DLGAP2: variants seen among roughly 807,000 people sequenced by gnomAD.
DLGAP2 encodes DLG associated protein 2, also known as disks large-associated protein 2.
DLGAP2 carries 26 observed loss-of-function variants against 100.3 expected under a neutral mutation model. The observed-to-expected ratio is 0.26, with a 90% CI of 0.19 to 0.36. The LOEUF (loss-of-function observed/expected upper bound fraction) is 0.36. Among genes scored for constraint, DLGAP2 ranks in the 10% least tolerant of loss-of-function variants. DLGAP2 has a pLI of 1.00. For synonymous variants in DLGAP2, 886 were observed against 630.1 expected, an observed-to-expected ratio of 1.41 and a Z score of -6.08; for missense variants, 1,858 against 1,453.2, an observed-to-expected ratio of 1.28 and a Z score of -4.53.
chr8:1,445,606 G>A lies in DLGAP2; in HGVS notation c.107-55760G>A, dbSNP rs540024324. Among the ~76,000 whole-genome samples the A allele has an allele frequency of 2.6e-5, 4 of 152,320 alleles. No homozygotes were observed. The East Asian group carries it at 7.7e-4, about 29-fold the overall frequency. ...TTATAATCCCTTGGGTATATACCCA[G>A]TAATGGGATGGCTGGGTCAAATGGT... On this transcript the variant is annotated intron_variant, in intron 3 of 14. Transcript: ENST00000637795.
intron 2 of DLGAP2, among the ~76,000 whole-genome samples, chr8:1,142,914 G>A (rs1045800495): frequency 6.6e-6 from 1 of 152,152 alleles, no homozygotes; most frequent in Non-Finnish European, 1.5e-5. Context: ...AAGAGGGGTC[G>A]TATCCCCTTC....
At chr8:1,503,700 G>A (rs1472504629) in intron 4 of DLGAP2, among the ~76,000 whole-genome samples, 1 of 152,176 alleles carries the variant, frequency 6.6e-6, no homozygotes, top group Non-Finnish European at 1.5e-5. Flanking sequence ...ACACTGCTTA[G>A]GGACAGGGTG....
At chr8:1,193,189 G>C (rs973232053) in intron 2 of DLGAP2, among the ~76,000 whole-genome samples, 7 of 152,138 alleles carry the variant, frequency 4.6e-5, no homozygotes, top group African/African-American at 1.7e-4. Flanking sequence ...TATATAACCG[G>C]TAATGGGATT....
intron 2 of DLGAP2, among the ~76,000 whole-genome samples, chr8:1,231,163 C>A (rs935856143): frequency 6.6e-6 from 1 of 152,068 alleles, no homozygotes; most frequent in African/African-American, 2.4e-5. Flanking sequence ...CAAATAGCCC[C>A]ATTAAAATTG....
intron 1 of DLGAP2, among the ~76,000 whole-genome samples, chr8:800,016 G>C (rs1020191676): frequency 1.3e-5 from 2 of 152,146 alleles, no homozygotes; most frequent in Non-Finnish European, 2.9e-5. Context: ...CAGAAGCAGC[G>C]TACCGAGAAA....
chr8:941,538 A>G (rs1799195868), intron 2 of DLGAP2, among the ~76,000 whole-genome samples: 1 of 152,120 alleles, frequency 6.6e-6, no homozygotes, highest in Non-Finnish European at 1.5e-5. Flanking sequence ...CCATCTGGAG[A>G]TTGCCTCTCT....
At chr8:1,077,961 G>C (rs1803677025) in intron 2 of DLGAP2, among the ~76,000 whole-genome samples, 1 of 152,138 alleles carries the variant, frequency 6.6e-6, no homozygotes, top group African/African-American at 2.4e-5. Context: ...ATAACTCCAG[G>C]GGTGTCATCC....
chr8:1,339,688 G>T (rs150445106), intron 3 of DLGAP2, among the ~76,000 whole-genome samples: 68 of 152,302 alleles, frequency 4.5e-4, no homozygotes, highest in African/African-American at 1.5e-3. Flanking sequence ...TTTAATAGGG[G>T]GATCCGGAGT....
chr8:1,658,625 C>T lies in DLGAP2; in HGVS notation c.1811-9704C>T, dbSNP rs113113980. 4.2e-3 allele frequency among the ~76,000 whole-genome samples: 642 copies of T among 152,220 alleles called. 6 individuals carry two copies. Among genetic ancestry groups the T allele is most frequent in the African/African-American group, 0.014 (597 of 41,552 alleles). On this transcript the variant is annotated intron_variant, in intron 8 of 14. Transcript: ENST00000637795. ...TTCCCTTCTAGATTTTCTAGTTTAT[C>T]TGCATAGCGGTGTTTATAGTATTCT...
At chr8:770,260 G>A (rs1821323600) in intron 1 of DLGAP2, among the ~76,000 whole-genome samples, 1 of 152,070 alleles carries the variant, frequency 6.6e-6, no homozygotes. Flanking sequence ...GAGAGTGCGT[G>A]CGTGGCGTGC....
At chr8:766,803 T>G (rs867973778) in intron 1 of DLGAP2, among the ~76,000 whole-genome samples, 2 of 152,188 alleles carry the variant, frequency 1.3e-5, no homozygotes, top group Non-Finnish European at 2.9e-5. Flanking sequence ...ATGGACACTG[T>G]GTCCATCCTG....
intron 2 of DLGAP2, among the ~76,000 whole-genome samples, chr8:1,039,874 G>GTGCATGGTCGGCTCGGTA (rs1407585634): frequency 6.9e-6 from 1 of 144,254 alleles, no homozygotes; most frequent in Admixed American, 6.9e-5. Flanking sequence ...TCGGCTCATT[G>GTGCATGGTCGGCTCGGTA]TGCATGGTCG....
At chr8:1,290,171 C>G (rs1035853822) in intron 3 of DLGAP2, among the ~76,000 whole-genome samples, 1 of 152,136 alleles carries the variant, frequency 6.6e-6, no homozygotes, top group African/African-American at 2.4e-5. Context: ...CATCACAGGC[C>G]TCTGTAAGCA....
intron 4 of DLGAP2, among the ~76,000 whole-genome samples, chr8:1,521,326 GC>G (rs1336479451): frequency 2.9e-5 from 2 of 67,894 alleles, no homozygotes; most frequent in South Asian, 1.3e-3. Flanking sequence ...GAATACTCGG[GC>G]GGCAGGTGAT....
chr8:1,471,727 G>A (rs982369389), intron 3 of DLGAP2, among the ~76,000 whole-genome samples: 1 of 152,148 alleles, frequency 6.6e-6, no homozygotes, highest in Non-Finnish European at 1.5e-5. Context: ...ATCAGCAGCT[G>A]GTGACGGACC....
In DLGAP2 at chr8:1,060,329, C is replaced by T. The variant is rs148693736; in HGVS notation, c.73+152363C>T. On this transcript the variant is annotated intron_variant, in intron 2 of 14. Coordinates refer to ENST00000637795, the MANE Select transcript of DLGAP2 (RefSeq NM_001346810.2). ...GGGCTCCCTCTGGAGGCCCTGAGGG[C>T]GTTGGTCCCTCCGCTGAGTGCTTGT... Among the ~76,000 whole-genome samples the T allele has an allele frequency of 6.8e-3, 1,023 of 150,944 alleles. 24 individuals are homozygous for T. The highest frequency in any genetic ancestry group is 0.024 in the African/African-American group (976 of 40,916).
At chr8:986,874 G>C (rs1440546799) in intron 2 of DLGAP2, among the ~76,000 whole-genome samples, 1 of 152,024 alleles carries the variant, frequency 6.6e-6, no homozygotes, top group Non-Finnish European at 1.5e-5. Context: ...TGGCCAGGCT[G>C]GTCTCAAACT....
At chr8:1,500,304 G>T (rs1354321023) in intron 3 of DLGAP2, among the ~76,000 whole-genome samples, 1 of 152,190 alleles carries the variant, frequency 6.6e-6, no homozygotes, top group Non-Finnish European at 1.5e-5. Flanking sequence ...AGATCCAGCT[G>T]TGTCTACACT....
chr8:1,376,663 G>A (rs1306556391), intron 3 of DLGAP2, among the ~76,000 whole-genome samples: 3 of 126,358 alleles, frequency 2.4e-5, no homozygotes, highest in Non-Finnish European at 3.4e-5. Flanking sequence ...CTCTGACCCC[G>A]GTGGGATGTG....
Sources: allele counts gnomAD v4.1 joint callset (sites outside exome capture counted in the v4.1 genomes callset), GRCh38; gene constraint gnomAD v4.1.1; transcripts MANE v1.5; gene names NCBI Gene and HGNC (gene_info 2026-07-23, HGNC 2026-07-21).